Variants in C8orf34 observed in about 807,000 individuals in gnomAD.
C8orf34 encodes the protein chromosome 8 open reading frame 34.
Under a neutral mutation model 68.3 loss-of-function variants are expected in C8orf34, and 65 were observed. That is an observed-to-expected ratio of 0.95 (90% CI 0.78 to 1.17). The LOEUF is 1.17. Ranked by LOEUF, C8orf34 falls within the 50% of genes most tolerant of loss-of-function variation. C8orf34 has a pLI of 0.00. For missense variants in C8orf34, 664 were observed against 655.4 expected (o/e 1.01, Z -0.14); for synonymous variants, 244 against 241.2 (o/e 1.01, Z -0.11).
chr8:68,705,198 AC>A (rs1023388061), intron 8 of C8orf34, among the ~76,000 whole-genome samples: 2 of 152,170 alleles, frequency 1.3e-5, no homozygotes, highest in Non-Finnish European at 2.9e-5. Context: ...GGATTTGGGT[AC>A]ACCAATCTTG....
rs547168641 is a variant in C8orf34, at chr8:68,806,037, G to A, written c.1550-9849G>A. ...TAGTTGTTCTTGAGATTGCAACAAT[G>A]TATTGTTTAATGTAGAAAAGTCTCA... On this transcript the variant is annotated intron_variant, in intron 12 of 13. Transcript: ENST00000518698. Among the ~76,000 whole-genome samples the A allele has an allele frequency of 3.9e-5, 6 of 152,076 alleles. No homozygotes were observed. In the South Asian group the frequency reaches 1.2e-3, roughly 32 times the overall value.
At chr8:68,348,488 A>G (rs530404500) in intron 1 of C8orf34, among the ~76,000 whole-genome samples, 6 of 151,950 alleles carry the variant, frequency 3.9e-5, no homozygotes, top group Non-Finnish European at 5.9e-5. Context: ...AGTTTTTTCT[A>G]TTTCTATGAA....
chr8:68,695,905 A>T (rs531650124), intron 8 of C8orf34: 2 of 152,268 alleles, frequency 1.3e-5, no homozygotes, highest in South Asian at 2.1e-4. Flanking sequence ...AAAGTAAAAG[A>T]AAAATATATG....
intron 4 of C8orf34, among the ~76,000 whole-genome samples, chr8:68,487,268 C>CA (rs773164407): frequency 3.3e-5 from 5 of 151,798 alleles, no homozygotes; most frequent in Non-Finnish European, 7.4e-5. Flanking sequence ...CCTATCCCTG[C>CA]AAAAAAGGGA....
intron 8 of C8orf34, among the ~76,000 whole-genome samples, chr8:68,684,828 T>C (rs572392519): frequency 1.2e-4 from 19 of 152,150 alleles, no homozygotes; most frequent in Admixed American, 1.0e-3. Flanking sequence ...TTTGGTTTTA[T>C]TTGAGACTGG....
chr8:68,674,935 A>G (rs1468561954), intron 8 of C8orf34, among the ~76,000 whole-genome samples: 1 of 142,564 alleles, frequency 7.0e-6, no homozygotes, highest in Non-Finnish European at 1.5e-5. Context: ...CATGCAATGG[A>G]GCTCCAATAC....
intron 7 of C8orf34, among the ~76,000 whole-genome samples, chr8:68,593,542 G>A (rs1817457922): frequency 1.3e-5 from 2 of 151,800 alleles, no homozygotes; most frequent in South Asian, 4.2e-4. Context: ...TACTGGTCTA[G>A]CAAAAATTTT....
At chr8:68,776,799 T>G (rs1441343974) in intron 11 of C8orf34, among the ~76,000 whole-genome samples, 20 of 152,342 alleles carry the variant, frequency 1.3e-4, no homozygotes, top group Non-Finnish European at 2.9e-5. Context: ...CCGCTCTTCC[T>G]ACTGAAAGAA....
intron 7 of C8orf34, among the ~76,000 whole-genome samples, chr8:68,538,908 C>T (rs746902545): frequency 6.6e-6 from 1 of 151,960 alleles, no homozygotes; most frequent in Non-Finnish European, 1.5e-5. Flanking sequence ...ATATGTATCT[C>T]TAGTAGCAAA....
At chr8:68,661,104 G>T (rs779033566) in intron 8 of C8orf34, among the ~76,000 whole-genome samples, 1 of 152,200 alleles carries the variant, frequency 6.6e-6, no homozygotes, top group Non-Finnish European at 1.5e-5. Flanking sequence ...AGCTGGCCAC[G>T]CCGGGGCCTT....
chr8:68,508,893 C>G (rs1179448821), intron 5 of C8orf34, among the ~76,000 whole-genome samples: 1 of 152,096 alleles, frequency 6.6e-6, no homozygotes. Context: ...GAAACAGGGA[C>G]TCTCGCTAGG....
chr8:68,729,998 T>C (rs1172237054), intron 10 of C8orf34, among the ~76,000 whole-genome samples: 1 of 152,166 alleles, frequency 6.6e-6, no homozygotes, highest in Non-Finnish European at 1.5e-5. Flanking sequence ...TTGGTTTAAA[T>C]AGTTGAGCAA....
Position 68,818,835 on chromosome 8 carries a change from G to A in C8orf34, c.*589G>A, listed in dbSNP as rs904908227. On this transcript the variant is annotated 3_prime_UTR_variant, in exon 14 of 14. Transcript: ENST00000518698. ...AATGAATAATTGATATGTTAATTAA[G>A]TAAAGCAAATCAATAAGGAATGAAA... The A allele has an allele frequency of 7.2e-5, 11 of 152,008 alleles. No individual in the cohort carries two copies. Among genetic ancestry groups the A allele is most frequent in the African/African-American group, 2.7e-4 (11 of 41,392 alleles). 9.4% of individuals were successfully genotyped at this position (152,008 alleles called of 1,614,324 possible). A position where few individuals can be genotyped will look rare whatever the true frequency, so the allele number is the denominator to read the frequency against.
At chr8:68,595,878 A>G (rs1817534408) in intron 7 of C8orf34, among the ~76,000 whole-genome samples, 1 of 152,060 alleles carries the variant, frequency 6.6e-6, no homozygotes, top group Non-Finnish European at 1.5e-5. Context: ...TATATTTAAC[A>G]ATTTCAGTTA....
chr8:68,727,122 A>T (rs1158301158), intron 10 of C8orf34, among the ~76,000 whole-genome samples: 2 of 147,542 alleles, frequency 1.4e-5, no homozygotes, highest in Non-Finnish European at 3.0e-5. Context: ...AAAGCAAGCT[A>T]GTTACTTCCT....
At chr8:68,386,782 G>T (rs1464655537) in intron 1 of C8orf34, among the ~76,000 whole-genome samples, 1 of 152,038 alleles carries the variant, frequency 6.6e-6, no homozygotes, top group Non-Finnish European at 1.5e-5. Context: ...CTGACATTTT[G>T]GACCAGATCA....
intron 7 of C8orf34, among the ~76,000 whole-genome samples, chr8:68,601,822 G>T (rs966945022): frequency 1.3e-5 from 2 of 152,048 alleles, no homozygotes; most frequent in African/African-American, 4.8e-5. Flanking sequence ...TGCACATTTT[G>T]TATATTATAT....
chr8:68,746,979 T>A (rs1315822007), intron 10 of C8orf34, among the ~76,000 whole-genome samples: 1 of 149,404 alleles, frequency 6.7e-6, no homozygotes, highest in Non-Finnish European at 1.5e-5. Context: ...GATGCAAAAA[T>A]CCTCAATAAA....
chr8:68,540,736 G>A (rs1379020577), intron 7 of C8orf34, among the ~76,000 whole-genome samples: 1 of 152,026 alleles, frequency 6.6e-6, no homozygotes, highest in Admixed American at 6.6e-5. Flanking sequence ...CAGCTACTCG[G>A]GAAGCTGAAG....
Sources: allele counts gnomAD v4.1 joint callset (sites outside exome capture counted in the v4.1 genomes callset), GRCh38; gene constraint gnomAD v4.1.1; transcripts MANE v1.5; gene names NCBI Gene and HGNC (gene_info 2026-07-23, HGNC 2026-07-21).